Variants in SHANK2 observed in about 807,000 individuals in gnomAD.
The protein encoded by SHANK2 is SH3 and multiple ankyrin repeat domains 2.
SHANK2 carries 43 observed loss-of-function variants against 133.7 expected under a neutral mutation model. The ratio of observed to expected loss-of-function variants is 0.32; its 90% CI spans 0.25 to 0.41. The LOEUF (loss-of-function observed/expected upper bound fraction) is 0.41. Ranked by LOEUF, SHANK2 falls within the 10% of genes least tolerant of loss-of-function variation. The probability of loss-of-function intolerance (pLI) is 1.00; values close to 1 mark genes in which losing one functional copy is unlikely to be tolerated. For missense variants in SHANK2, 1,994 were observed against 2,235.8 expected, an observed-to-expected ratio of 0.89 and a Z score of 2.18; for synonymous variants, 1,017 against 952.8, an observed-to-expected ratio of 1.07 and a Z score of -1.24.
At chr11:71,193,972 T>G (rs931327802) in intron 2 of SHANK2, among the ~76,000 whole-genome samples, 1 of 152,180 alleles carries the variant, frequency 6.6e-6, no homozygotes, top group African/African-American at 2.4e-5. Context: ...TCTGAGTACT[T>G]GGGGTTAGAG....
At chr11:70,548,718 C>T (rs536961891) in intron 17 of SHANK2, among the ~76,000 whole-genome samples, 2 of 152,214 alleles carry the variant, frequency 1.3e-5, no homozygotes, top group Non-Finnish European at 2.9e-5. Context: ...CATGTCCTAA[C>T]CCCCGGAGCC....
At chr11:70,721,974 G>A (rs921552976) in intron 14 of SHANK2, among the ~76,000 whole-genome samples, 10 of 152,248 alleles carry the variant, frequency 6.6e-5, no homozygotes, top group African/African-American at 2.2e-4. Flanking sequence ...AGGGCCCGTC[G>A]AGGTGTGAGT....
chr11:71,226,564 C>T (rs1954647853), intron 1 of SHANK2: 1 of 152,298 alleles, frequency 6.6e-6, no homozygotes, highest in Admixed American at 6.5e-5. Flanking sequence ...CCAATACTTA[C>T]ATTTCTCATC....
Position 71,150,324 on chromosome 11 carries a change from CAGGGAGGGAG to C in SHANK2, c.-12-2996_-12-2987del, listed in dbSNP as rs1384398903. On this transcript the variant is annotated intron_variant, in intron 2 of 25. Coordinates refer to ENST00000601538, the MANE Select transcript of SHANK2 (RefSeq NM_012309.5). ...AGGAAGAGGGAGGGACAGGGAGGGA[CAGGGAGGGAG>C]AGGGAGGGACAGGGAGGGAGGGAGG... 2.3e-3 allele frequency among the ~76,000 whole-genome samples: 91 copies of C among 38,750 alleles called. 2 individuals carry two copies. Among genetic ancestry groups the C allele is most frequent in the African/African-American group, 9.1e-3 (84 of 9,196 alleles). The allele number at this position is 38,750 out of a possible 152,430, so 25.4% of individuals were successfully genotyped here. A position where few individuals can be genotyped will look rare whatever the true frequency, so the allele number is the denominator to read the frequency against.
chr11:71,147,128 G>T lies in SHANK2; in HGVS notation c.199C>A (p.Gln67Lys), dbSNP rs782661932. 6.5e-7 allele frequency: 1 copy of T among 1,547,652 alleles called. No individual in the cohort carries two copies. The highest frequency in any genetic ancestry group is 1.2e-5 in the South Asian group (1 of 83,936). ...LVIRVVIHDL[Q>K]QTKCIRFNPD... ...CAGACCACGGGGCTCACCGTCTGCT[G>T]CAGGTCATGGATGACCACGCGGATC... Residue 67 changes from glutamine (Q) to lysine (K), a missense_variant, in exon 3 of 26, where the codon CAG (glutamine) becomes AAG (lysine). Gln to Lys is a moderately conservative substitution (Grantham distance 53). This residue lies in a region of SHANK2 where 653 missense variants were observed against 563.4 expected (regional missense o/e 1.16). Transcript: ENST00000601538.
At chr11:71,225,871 C>G (rs1243861539) in intron 1 of SHANK2, among the ~76,000 whole-genome samples, 4 of 152,212 alleles carry the variant, frequency 2.6e-5, no homozygotes, top group Non-Finnish European at 5.9e-5. Context: ...TGCCTGTAAT[C>G]CCGGCACTTT....
chr11:70,482,850 T>C (rs1591483204), intron 25 of SHANK2, among the ~76,000 whole-genome samples: 4 of 152,298 alleles, frequency 2.6e-5, no homozygotes, highest in African/African-American at 9.6e-5. Context: ...AGGGTCCCCC[T>C]GGAGAAATGC....
chr11:71,136,662 G>A (rs1418771659), intron 3 of SHANK2, among the ~76,000 whole-genome samples: 12 of 152,164 alleles, frequency 7.9e-5, no homozygotes, highest in Admixed American at 2.0e-4. Flanking sequence ...AAGAAATCAG[G>A]CACAGAAGGC....
chr11:70,684,732 G>C (rs1417909394), intron 15 of SHANK2, among the ~76,000 whole-genome samples: 2 of 151,898 alleles, frequency 1.3e-5, no homozygotes, highest in African/African-American at 2.4e-5. Flanking sequence ...GTGAGTGCCT[G>C]AGTCACACTC....
intron 1 of SHANK2, among the ~76,000 whole-genome samples, chr11:71,241,238 C>T (rs1165526936): frequency 1.3e-5 from 2 of 152,182 alleles, no homozygotes; most frequent in Non-Finnish European, 2.9e-5. Context: ...CTGAAAACAA[C>T]CCAAATGTCA....
At chr11:70,565,275 T>C (rs1398709584) in intron 17 of SHANK2, among the ~76,000 whole-genome samples, 1 of 152,130 alleles carries the variant, frequency 6.6e-6, no homozygotes, top group Non-Finnish European at 1.5e-5. Context: ...GATGAAGTCT[T>C]GCTCTGCTGC....
Position 70,472,556 on chromosome 11 carries a change from G to A in SHANK2, c.*313C>T, listed in dbSNP as rs2058609597. ...TAGGATCCCGTGCAAAATTGACGGG[G>A]AGCCTCTCGGACCCGGCAAAGCGAG... On this transcript the variant is annotated 3_prime_UTR_variant, in exon 26 of 26. Transcript: ENST00000601538. The surrounding 1 kb of genome is among the most constrained non-coding windows in gnomAD (Gnocchi z 4.4). 4.7e-6 allele frequency: 2 copies of A among 422,180 alleles called. No individual in the cohort carries two copies. The allele number at this position is 422,180 out of a possible 1,614,324, so 26.2% of individuals were successfully genotyped here. A position where few individuals can be genotyped will look rare whatever the true frequency, so the allele number is the denominator to read the frequency against.
chr11:71,065,753 A>G (rs1199941866), intron 9 of SHANK2, among the ~76,000 whole-genome samples: 10 of 131,538 alleles, frequency 7.6e-5, no homozygotes, highest in African/African-American at 2.9e-4. Context: ...CAGGGAGATG[A>G]GCAGTGAGTG....
At position 70,821,367 on chromosome 11, in the gene SHANK2, C is replaced by T. The variant is rs182340852; in HGVS notation, c.1175-685G>A. Among the ~76,000 whole-genome samples the T allele has an allele frequency of 4.4e-3, 671 of 152,246 alleles. 8 individuals carry two copies. Among genetic ancestry groups the T allele is most frequent in the Admixed American group, 0.016 (241 of 15,300 alleles). ...TCAGGAGGAACCAGCCCTGCGATGC[C>T]CTGATCTCAGACTTGTAGTCCCCAG... On this transcript the variant is annotated intron_variant, in intron 11 of 25. Transcript: ENST00000601538.
chr11:70,599,905 G>GAA (rs1466206835), intron 17 of SHANK2, among the ~76,000 whole-genome samples: 1,760 of 73,188 alleles, frequency 0.024, 67 homozygotes, highest in African/African-American at 0.068. Flanking sequence ...AAGAAAGAAA[G>GAA]AGAAAGAAAG....
intron 11 of SHANK2, among the ~76,000 whole-genome samples, chr11:70,845,881 G>A (rs1158747713): frequency 4.6e-5 from 7 of 152,174 alleles, no homozygotes; most frequent in East Asian, 1.9e-4. Flanking sequence ...GTTTGTCTCC[G>A]AGCTTCCTGC....
chr11:70,763,420 T>C (rs1418268967), intron 14 of SHANK2, among the ~76,000 whole-genome samples: 1 of 151,502 alleles, frequency 6.6e-6, no homozygotes, highest in African/African-American at 2.4e-5. Context: ...ATTGGGTGAG[T>C]GGATGTGGGT....
chr11:70,724,024 G>A (rs1245387632), intron 14 of SHANK2, among the ~76,000 whole-genome samples: 2 of 138,592 alleles, frequency 1.4e-5, no homozygotes, highest in African/African-American at 2.8e-5. Context: ...TGTTCTGGAG[G>A]CCCCAAAGTT....
At chr11:71,226,476 C>T (rs944880146) in intron 1 of SHANK2, 2 of 151,934 alleles carry the variant, frequency 1.3e-5, no homozygotes, top group African/African-American at 4.8e-5. Context: ...TAGGATAAAC[C>T]CAAGAAAATT....
Sources: gnomAD v4.1 joint callset for allele counts (sites outside exome capture counted in the v4.1 genomes callset) on GRCh38, gnomAD v4.1.1 for gene constraint, gnomAD v4.1.1 regional missense constraint, Gnocchi (gnomAD v3.1) non-coding constraint, MANE v1.5 for transcripts, NCBI Gene and HGNC (gene_info 2026-07-23, HGNC 2026-07-21) for gene names.